Variants in DOCK7 observed in about 807,000 individuals in gnomAD.
DOCK7 encodes the protein dedicator of cytokinesis protein 7.
DOCK7 carries 138 observed loss-of-function variants against 271.0 expected under a neutral mutation model. The ratio of observed to expected loss-of-function variants is 0.51; its 90% CI spans 0.44 to 0.59. DOCK7 has a LOEUF of 0.59. DOCK7 is among the 20% of genes least tolerant of loss of function. The probability of loss-of-function intolerance (pLI) is 0.00; values close to 1 mark genes in which losing one functional copy is unlikely to be tolerated. For synonymous variants in DOCK7, 823 were observed against 876.1 expected (o/e 0.94, Z 1.07); for missense variants, 2,066 against 2,592.4 (o/e 0.80, Z 4.41).
At position 62,658,960 on chromosome 1, in the gene DOCK7, GA is replaced by G. The variant is rs200716285; in HGVS notation, c.144+4064del. ...AGAGTGAGACCCCTGTCTCAAAAGA[GA>G]AAAAAAAAAAAAATGAAGGGGAAAT... On this transcript the variant is annotated intron_variant, in intron 2 of 49. Transcript: ENST00000635253. Among the ~76,000 whole-genome samples, 1,252 of 71,112 alleles carry G rather than the reference GA, an allele frequency of 0.018. 36 individuals carry two copies. The East Asian group carries it at 0.21, about 12-fold the overall frequency. The allele number at this position is 71,112 out of a possible 152,430, so 46.7% of individuals were successfully genotyped here.
chr1:62,525,816 T>C (rs1251326553), intron 31 of DOCK7, among the ~76,000 whole-genome samples: 2 of 152,194 alleles, frequency 1.3e-5, no homozygotes, highest in Non-Finnish European at 2.9e-5. Flanking sequence ...ACACTTCAAA[T>C]GACACCATCA....
At chr1:62,630,322 G>A (rs1654463595) in intron 11 of DOCK7, among the ~76,000 whole-genome samples, 1 of 152,148 alleles carries the variant, frequency 6.6e-6, no homozygotes, top group Admixed American at 6.5e-5. Flanking sequence ...TTTTCAAGTG[G>A]CTGTGGTTTT....
At chr1:62,506,979 A>AATAAATAAATAT (rs1411718596) in intron 35 of DOCK7, among the ~76,000 whole-genome samples, 1 of 151,134 alleles carries the variant, frequency 6.6e-6, no homozygotes, top group African/African-American at 2.4e-5. Flanking sequence ...TAAATAAATA[A>AATAAATAAATAT]ATAAAATAGA....
intron 6 of DOCK7, 90 bp downstream of exon 6, chr1:62,648,016 C>T (rs920543424): frequency 8.2e-7 from 1 of 1,223,828 alleles, no homozygotes; most frequent in Admixed American, 1.9e-5. Context: ...GTTGCTTTAT[C>T]CTCTACATTT....
At chr1:62,553,182 G>A (rs1411025499) in intron 21 of DOCK7, among the ~76,000 whole-genome samples, 14 of 147,682 alleles carry the variant, frequency 9.5e-5, no homozygotes, top group East Asian at 2.0e-4. Flanking sequence ...CTACAGGTGC[G>A]TGCCACCACG....
At chr1:62,600,340 A>G (rs550304861) in intron 14 of DOCK7, among the ~76,000 whole-genome samples, 3 of 152,012 alleles carry the variant, frequency 2.0e-5, no homozygotes, top group African/African-American at 7.2e-5. Flanking sequence ...ATAGTTACTT[A>G]GTAGAAAAGA....
chr1:62,587,766 A>C (rs563999669), intron 14 of DOCK7, among the ~76,000 whole-genome samples: 1 of 152,290 alleles, frequency 6.6e-6, no homozygotes, highest in Admixed American at 6.5e-5. Context: ...GTTCCAGAGC[A>C]GGATGTATAG....
chr1:62,648,843 G>T (rs983424839), intron 4 of DOCK7, among the ~76,000 whole-genome samples: 1 of 151,684 alleles, frequency 6.6e-6, no homozygotes, highest in Non-Finnish European at 1.5e-5. Context: ...AAGAAAACTT[G>T]GGAAGCCAGT....
intron 14 of DOCK7, among the ~76,000 whole-genome samples, chr1:62,617,448 A>G (rs538260709): frequency 2.4e-4 from 36 of 152,134 alleles, no homozygotes; most frequent in African/African-American, 8.7e-4. Flanking sequence ...ACAGGAGTAG[A>G]AATAAGATAG....
chr1:62,662,761 A>C (rs1658817134), intron 2 of DOCK7, among the ~76,000 whole-genome samples: 1 of 152,118 alleles, frequency 6.6e-6, no homozygotes, highest in Non-Finnish European at 1.5e-5. Flanking sequence ...ACTCGGTCTC[A>C]AAAAAAGAAG....
chr1:62,652,830 T>C (rs1160575414), intron 4 of DOCK7, among the ~76,000 whole-genome samples: 1 of 152,196 alleles, frequency 6.6e-6, no homozygotes, highest in East Asian at 1.9e-4. Flanking sequence ...TGTAAGTTCA[T>C]AAAAACAGCT....
Position 62,455,332 on chromosome 1 carries a change from C to CA in DOCK7, c.*81dup. On this transcript the variant is annotated 3_prime_UTR_variant, in exon 50 of 50. Coordinates refer to ENST00000635253, the MANE Select transcript of DOCK7 (RefSeq NM_001367561.1). ...AATAATAATTTCCAGAATTCCATTC[C>CA]ATGTTGTTTTCCAATAGATCTTTTC... is the stretch of plus-strand genomic sequence containing the variant. 7.0e-7 allele frequency: 1 copy of CA among 1,429,246 alleles called. No homozygotes were observed. Among genetic ancestry groups the CA allele is most frequent in the South Asian group, 1.2e-5 (1 of 86,234 alleles). 88.5% of individuals were successfully genotyped at this position (1,429,246 alleles called of 1,614,324 possible).
chr1:62,488,877 T>G (rs1571266125), intron 42 of DOCK7, 57 bp downstream of exon 42: 3 of 1,607,118 alleles, frequency 1.9e-6, no homozygotes, highest in East Asian at 4.5e-5. Flanking sequence ...AAAACAACAT[T>G]AATGCTTTCA....
intron 21 of DOCK7, among the ~76,000 whole-genome samples, chr1:62,553,392 C>G (rs1646022487): frequency 4.6e-4 from 2 of 4,364 alleles, no homozygotes; most frequent in Non-Finnish European, 4.8e-4. Flanking sequence ...TTTTAATAGG[C>G]AGGTGCCATT....
At chr1:62,637,974 G>A (rs944933946) in intron 7 of DOCK7, among the ~76,000 whole-genome samples, 1 of 152,130 alleles carries the variant, frequency 6.6e-6, no homozygotes, top group African/African-American at 2.4e-5. Flanking sequence ...AATGAAAAGA[G>A]ATCTTGGTGA....
chr1:62,610,804 A>G (rs1651681661), intron 14 of DOCK7, among the ~76,000 whole-genome samples: 1 of 152,058 alleles, frequency 6.6e-6, no homozygotes. Context: ...ATCCTTTTTT[A>G]TGGCTGCATA....
chr1:62,554,913 T>A (rs12735290), intron 21 of DOCK7, among the ~76,000 whole-genome samples: 345 of 152,352 alleles, frequency 2.3e-3, no homozygotes, highest in Middle Eastern at 3.4e-3. Flanking sequence ...AAATTTAAAA[T>A]CAGGTTACTA....
chr1:62,610,155 G>A (rs10889347), intron 14 of DOCK7, among the ~76,000 whole-genome samples: 63,958 of 151,976 alleles, frequency 0.42, 15,252 homozygotes, highest in African/African-American at 0.66. Context: ...AGCCGACTCA[G>A]TTTTTATAGT....
intron 14 of DOCK7, among the ~76,000 whole-genome samples, chr1:62,610,360 G>T (rs1221788418): frequency 6.6e-6 from 1 of 151,870 alleles, no homozygotes; most frequent in African/African-American, 2.4e-5. Context: ...TTTCAGTAAC[G>T]TTCAGCTGAA....
Sources: gnomAD v4.1 joint callset for allele counts (sites outside exome capture counted in the v4.1 genomes callset) on GRCh38, gnomAD v4.1.1 for gene constraint, MANE v1.5 for transcripts, NCBI Gene and HGNC (gene_info 2026-07-23, HGNC 2026-07-21) for gene names.